Variants in FECH observed in about 807,000 individuals in gnomAD.
FECH encodes the protein ferrochelatase.
FECH carries 40 observed loss-of-function variants against 56.9 expected under a neutral mutation model. The ratio of observed to expected loss-of-function variants is 0.70; its 90% CI spans 0.55 to 0.92. The LOEUF (loss-of-function observed/expected upper bound fraction) is 0.92, where lower values mean the gene tolerates loss of function less well. Among genes scored for constraint, FECH ranks in the 40% least tolerant of loss-of-function variants. FECH has a pLI of 0.00. For synonymous variants in FECH, 175 were observed against 198.6 expected (o/e 0.88, Z 1.00); for missense variants, 431 against 529.1 (o/e 0.81, Z 1.82).
chr18:57,562,863 C>T lies in FECH; in HGVS notation c.705+11G>A, dbSNP rs2050963212. Reference sequence around the variant, plus strand: ...GCTGGGGTGACAGGCAGCTGGCAAGCACTGGCTTACCTGGATGAGGAGGTG... The same window carrying T: ...GCTGGGGTGACAGGCAGCTGGCAAGTACTGGCTTACCTGGATGAGGAGGTG... On this transcript the variant is annotated intron_variant, in intron 6 of 10. Coordinates refer to ENST00000262093, the MANE Select transcript of FECH (RefSeq NM_000140.5). 6 of 1,611,180 alleles carry T rather than the reference C, an allele frequency of 3.7e-6. No individual in the cohort carries two copies. The highest frequency in any genetic ancestry group is 5.1e-6 in the Non-Finnish European group (6 of 1,177,476).
At chr18:57,584,106 G>T (rs2051327738) in intron 1 of FECH, among the ~76,000 whole-genome samples, 1 of 151,830 alleles carries the variant, frequency 6.6e-6, no homozygotes, top group South Asian at 2.1e-4. Context: ...CTTGAACCTG[G>T]GAGGCGGAGG....
Position 57,547,872 on chromosome 18 carries a change from G to A in FECH, c.*2840C>T, listed in dbSNP as rs568628377. Among the ~76,000 whole-genome samples the A allele has an allele frequency of 6.6e-6, 1 of 152,240 alleles. No individual in the cohort carries two copies. Among genetic ancestry groups the A allele is most frequent in the East Asian group, 1.9e-4 (1 of 5,178 alleles). ...GCTGGTCTTGAACTCTTGGGATCAA[G>A]CAATCCTCCAACCTTGGCCTTCCAA... On this transcript the variant is annotated 3_prime_UTR_variant, in exon 11 of 11. Transcript: ENST00000262093.
Position 57,571,454 on chromosome 18 carries a change from A to G in FECH, c.401T>C (p.Ile134Thr). The change falls in exon 4 of 11, where the codon ATA becomes ACA. Residue 134 changes from isoleucine to threonine, a missense_variant. Physicochemically the swap from Ile to Thr is moderately conservative, Grantham distance 89. Transcript: ENST00000262093. Reference sequence around the variant, plus strand: ...GCCCTCTCCCTGCTTGGAAGTCCATATCTTGATGGGGGATCCGCCTCCAAT... The same window carrying G: ...GCCCTCTCCCTGCTTGGAAGTCCATGTCTTGATGGGGGATCCGCCTCCAAT... ...RRIGGGSPIK[I>T]WTSKQGEGMV... The G allele has an allele frequency of 6.2e-7, 1 of 1,613,750 alleles. No homozygotes were observed. The highest frequency in any genetic ancestry group is 8.5e-7 in the Non-Finnish European group (1 of 1,179,950).
intron 9 of FECH, 151 bp downstream of exon 9, chr18:57,554,109 C>T: frequency 2.3e-6 from 2 of 867,726 alleles, no homozygotes; most frequent in East Asian, 2.4e-5. Context: ...GAGATTATTA[C>T]TCAGATGAAG....
rs1158035594 is a variant in FECH, at chr18:57,554,202, GA to G, written c.1077+57del. The G allele has an allele frequency of 6.3e-6, 10 of 1,597,308 alleles. No individual in the cohort carries two copies. The East Asian group carries it at 1.8e-4, about 29-fold the overall frequency. ...CTGAATGATACATTAGTTAGTTGCA[GA>G]AAAAATTTCCTTTTAAAACAAGTCA... is the stretch of plus-strand genomic sequence containing the variant. On this transcript the variant is annotated intron_variant, in intron 9 of 10. Transcript: ENST00000262093.
At chr18:57,580,027 A>G (rs373058174) in intron 2 of FECH, 46 bp downstream of exon 2, 21 of 1,612,500 alleles carry the variant, frequency 1.3e-5, no homozygotes, top group African/African-American at 2.7e-5. Flanking sequence ...TGGTGTCTGC[A>G]TCGATAAAGA....
At chr18:57,571,294 C>T (rs1307225783) in intron 4 of FECH, 98 bp downstream of exon 4, 1 of 1,273,786 alleles carries the variant, frequency 7.9e-7, no homozygotes, top group East Asian at 2.4e-5. Flanking sequence ...ATTGAGTTGC[C>T]AGTACATATG....
chr18:57,554,051 G>A (rs923253825), intron 9 of FECH, among the ~76,000 whole-genome samples: 1 of 152,150 alleles, frequency 6.6e-6, no homozygotes, highest in African/African-American at 2.4e-5. Context: ...CTGGTTTAAG[G>A]AAAGCACAGG....
intron 1 of FECH, 23 bp downstream of exon 1, chr18:57,586,531 G>A (rs777782835): frequency 4.0e-4 from 600 of 1,518,722 alleles, no homozygotes; most frequent in Non-Finnish European, 5.0e-4. Context: ...GGCCCTGGCG[G>A]CCGCCGCGAC....
chr18:57,572,588 T>TGGGG (rs34172858), intron 3 of FECH, among the ~76,000 whole-genome samples: 4 of 63,112 alleles, frequency 6.3e-5, no homozygotes, highest in East Asian at 7.3e-4. Flanking sequence ...TGTAACGAAG[T>TGGGG]GGGGGGGGGG....
At chr18:57,568,684 A>G (rs1018785063) in intron 4 of FECH, among the ~76,000 whole-genome samples, 2 of 152,202 alleles carry the variant, frequency 1.3e-5, no homozygotes, top group African/African-American at 4.8e-5. Context: ...GCAGCTGTTC[A>G]ATGAACAGTC....
chr18:57,559,233 T>C lies in FECH; in HGVS notation c.716A>G (p.Asp239Gly). The change falls in exon 7 of 11, where the codon GAT (aspartate) becomes GGT (glycine). Residue 239 changes from aspartate (D) to glycine (G), a missense_variant. Asp to Gly is a moderately conservative substitution (Grantham distance 94, BLOSUM62 -1). Transcript: ENST00000262093. The stretch of plus-strand genomic sequence containing the variant: ...ATGGTCCAGTTCCTTTAGAATATGA[T>C]CTGCAAAGCACTGAGTGAGTAACAA... ...THHLLIQCFA[D>G]HILKELDHFP... The C allele has an allele frequency of 1.2e-6, 2 of 1,609,770 alleles. No individual in the cohort carries two copies. The highest frequency in any genetic ancestry group is 1.7e-6 in the Non-Finnish European group (2 of 1,176,356).
At chr18:57,580,221 C>G (rs768210831) in intron 1 of FECH, 22 bp from the exon 2 acceptor site, 1 of 1,613,964 alleles carries the variant, frequency 6.2e-7, no homozygotes. Context: ...TTAAAGTGCT[C>G]GCATGAAATC....
intron 1 of FECH, among the ~76,000 whole-genome samples, chr18:57,583,524 C>T (rs957320817): frequency 1.2e-4 from 19 of 152,250 alleles, no homozygotes; most frequent in African/African-American, 4.3e-4. Flanking sequence ...ATATGTCCAG[C>T]CCCAAGAGCA....
chr18:57,576,094 C>T (rs7242304), intron 2 of FECH, among the ~76,000 whole-genome samples: 2 of 152,040 alleles, frequency 1.3e-5, no homozygotes, highest in African/African-American at 2.4e-5. Context: ...AATGCAGGAG[C>T]CTTGGCAGCA....
intron 9 of FECH, among the ~76,000 whole-genome samples, chr18:57,553,478 AG>A (rs367697626): frequency 4.1e-4 from 63 of 152,312 alleles, no homozygotes; most frequent in African/African-American, 1.4e-3. Context: ...TGGGGTGACC[AG>A]GGCCAGAAAC....
chr18:57,561,339 C>A (rs558826319), intron 6 of FECH, among the ~76,000 whole-genome samples: 1 of 152,270 alleles, frequency 6.6e-6, no homozygotes, highest in East Asian at 1.9e-4. Flanking sequence ...AATGTCATAT[C>A]GTATCCAAAG....
At position 57,567,111 on chromosome 18, in the gene FECH, G is replaced by A. The variant is rs1486785325; in HGVS notation, c.464-530C>T. ...AACCCATGCTTCTCACTCCTCCCAGGCCCCCCACCTCACCCTGCTCCTATT... is the reference window on the plus strand; with the variant it reads ...AACCCATGCTTCTCACTCCTCCCAGACCCCCCACCTCACCCTGCTCCTATT... On this transcript the variant is annotated intron_variant, in intron 4 of 10. Transcript: ENST00000262093. Among the ~76,000 whole-genome samples the A allele has an allele frequency of 3.3e-5, 5 of 151,884 alleles. No individual in the cohort carries two copies. In the East Asian group the frequency reaches 9.7e-4, roughly 29 times the overall value.
In FECH at chr18:57,548,447, C is replaced by G. The variant is rs1168496280; in HGVS notation, c.*2265G>C. The G allele has an allele frequency of 6.6e-6, 1 of 152,138 alleles. No homozygotes were observed. Among genetic ancestry groups the G allele is most frequent in the Admixed American group, 6.5e-5 (1 of 15,268 alleles). 9.4% of individuals were successfully genotyped at this position (152,138 alleles called of 1,614,324 possible). A position where few individuals can be genotyped will look rare whatever the true frequency, so the allele number is the denominator to read the frequency against. On this transcript the variant is annotated 3_prime_UTR_variant, in exon 11 of 11. Coordinates refer to ENST00000262093, the MANE Select transcript of FECH (RefSeq NM_000140.5). Reference sequence around the variant, plus strand: ...GCTAAACTGCCTCATCAACACTGTCCCTGCAAAAGTTTCTGTAGAAGTTGA... The same window carrying G: ...GCTAAACTGCCTCATCAACACTGTCGCTGCAAAAGTTTCTGTAGAAGTTGA...
Sources: allele counts gnomAD v4.1 joint callset (sites outside exome capture counted in the v4.1 genomes callset), GRCh38; gene constraint gnomAD v4.1.1; transcripts MANE v1.5; gene names NCBI Gene and HGNC (gene_info 2026-07-23, HGNC 2026-07-21).